The following PSTPIP1 variants were observed in gnomAD, a reference collection of about 807,000 sequenced individuals.
The protein encoded by PSTPIP1 is proline-serine-threonine phosphatase interacting protein 1.
PSTPIP1 carries 66 observed loss-of-function variants against 69.6 expected under a neutral mutation model. The ratio of observed to expected loss-of-function variants is 0.95; its 90% CI spans 0.78 to 1.16. PSTPIP1 has a LOEUF of 1.16. Among genes scored for constraint, PSTPIP1 ranks in the 50% most tolerant of loss-of-function variants. PSTPIP1 has a pLI of 0.00. For missense variants in PSTPIP1, 603 were observed against 557.4 expected, an observed-to-expected ratio of 1.08 and a Z score of -0.82; for synonymous variants, 266 against 222.7, an observed-to-expected ratio of 1.19 and a Z score of -1.73.
At chr15:77,009,219 G>A (rs1353976718) in intron 1 of PSTPIP1, among the ~76,000 whole-genome samples, 3 of 152,102 alleles carry the variant, frequency 2.0e-5, no homozygotes, top group South Asian at 2.1e-4. Flanking sequence ...GCTCAGCTCC[G>A]AGGCCCTGAA....
chr15:76,995,678 G>A, intron 1 of PSTPIP1, 69 bp downstream of exon 1: 8 of 1,609,574 alleles, frequency 5.0e-6, no homozygotes, highest in Non-Finnish European at 6.8e-6. Context: ...CTCCATGCAG[G>A]TGATGGGATG....
intron 1 of PSTPIP1, among the ~76,000 whole-genome samples, chr15:77,006,623 T>C (rs1442253066): frequency 6.6e-6 from 1 of 152,258 alleles, no homozygotes; most frequent in Non-Finnish European, 1.5e-5. Context: ...AATTTTTGCA[T>C]ATGGTATAAA....
intron 3 of PSTPIP1, among the ~76,000 whole-genome samples, chr15:77,020,702 A>C (rs1264216721): frequency 6.6e-6 from 1 of 152,066 alleles, no homozygotes; most frequent in Non-Finnish European, 1.5e-5. Flanking sequence ...ATTAGGGCCC[A>C]TTTATGCGCC....
Position 77,037,285 on chromosome 15 carries a change from G to A in PSTPIP1, c.*109G>A, listed in dbSNP as rs533264055. ...AGAACCAAGCGTCCCCCAGCCCCGA[G>A]AGGGAGCCTGTCGTCTCCCAGGGAA... On this transcript the variant is annotated 3_prime_UTR_variant, in exon 15 of 15. Transcript: ENST00000558012. 1.1e-5 allele frequency: 16 copies of A among 1,404,048 alleles called. No individual in the cohort carries two copies. Among genetic ancestry groups the A allele is most frequent in the East Asian group, 2.5e-5 (1 of 39,248 alleles). The allele number at this position is 1,404,048 out of a possible 1,614,324, so 87.0% of individuals were successfully genotyped here.
intron 13 of PSTPIP1, 65 bp from the exon 14 acceptor site, chr15:77,035,737 T>C: frequency 6.5e-7 from 1 of 1,531,086 alleles, no homozygotes; most frequent in Non-Finnish European, 8.7e-7. Flanking sequence ...AACCCCATTC[T>C]AGTAGGACTT....
At position 76,995,200 on chromosome 15, in the gene PSTPIP1, T is replaced by C. The variant is rs995147174; in HGVS notation, c.-374T>C. The C allele has an allele frequency of 6.7e-5, 81 of 1,204,812 alleles. No individual in the cohort carries two copies. The East Asian group carries it at 1.8e-3, about 26-fold the overall frequency. 74.6% of individuals were successfully genotyped at this position (1,204,812 alleles called of 1,614,324 possible). On this transcript the variant is annotated 5_prime_UTR_variant, in exon 1 of 15. Coordinates refer to ENST00000558012, the MANE Select transcript of PSTPIP1 (RefSeq NM_003978.5). ...CCGGCCCGAGCTCCAGCCTGCCTCT[T>C]CCACTGGCCACTGCCTCCCACCCAG...
chr15:77,018,061 C>T, intron 1 of PSTPIP1, 87 bp from the exon 2 acceptor site: 1 of 1,353,174 alleles, frequency 7.4e-7, no homozygotes, highest in Non-Finnish European at 1.0e-6. Context: ...GGAGGCTGTT[C>T]CCAGAGATGG....
chr15:77,028,511 C>A, intron 6 of PSTPIP1, 43 bp from the exon 7 acceptor site: 3 of 1,500,240 alleles, frequency 2.0e-6, no homozygotes, highest in South Asian at 1.2e-5. Context: ...GACCACAGAA[C>A]AGGGCTGTGC....
rs764497481 is a variant in PSTPIP1, at chr15:77,028,547, C to G, written c.418-7C>G. On this transcript the variant is annotated splice_region_variant and splice_polypyrimidine_tract_variant and intron_variant, in intron 6 of 14. Coordinates refer to ENST00000558012, the MANE Select transcript of PSTPIP1 (RefSeq NM_003978.5). ...AGCCCCCAAGTCACGCCCCTCCACA[C>G]CCCCAGTCCAAGAAGACATACGAGC... 1.3e-6 allele frequency: 2 copies of G among 1,595,268 alleles called. No homozygotes were observed. The highest frequency in any genetic ancestry group is 1.7e-6 in the Non-Finnish European group (2 of 1,171,790).
chr15:77,025,732 TC>T, intron 5 of PSTPIP1, 128 bp downstream of exon 5: 1 of 784,762 alleles, frequency 1.3e-6, no homozygotes, highest in Non-Finnish European at 2.0e-6. Context: ...GGGACAGCAC[TC>T]CAGGCTTTGG....
Position 77,032,609 on chromosome 15 carries a change from G to A in PSTPIP1, c.838+215G>A, listed in dbSNP as rs1311796328. On this transcript the variant is annotated intron_variant, in intron 11 of 14. Coordinates refer to ENST00000558012, the MANE Select transcript of PSTPIP1 (RefSeq NM_003978.5). ...CATGATGGCACTCAGAGGAAGAGGT[G>A]GGGATGGGGATTGAGGTGAGGAGCT... 1.6e-5 allele frequency: 10 copies of A among 627,838 alleles called. No individual in the cohort carries two copies. The Admixed American group carries it at 1.7e-4, about 11-fold the overall frequency. The allele number at this position is 627,838 out of a possible 1,614,324, so 38.9% of individuals were successfully genotyped here. A position where few individuals can be genotyped will look rare whatever the true frequency, so the allele number is the denominator to read the frequency against.
chr15:77,037,309 A>G lies in PSTPIP1; in HGVS notation c.*133A>G. 1 of 1,221,488 alleles carries G rather than the reference A, an allele frequency of 8.2e-7. No homozygotes were observed. Among genetic ancestry groups the G allele is most frequent in the East Asian group, 2.6e-5 (1 of 37,850 alleles). 75.7% of individuals were successfully genotyped at this position (1,221,488 alleles called of 1,614,324 possible). On this transcript the variant is annotated 3_prime_UTR_variant, in exon 15 of 15. Transcript: ENST00000558012. ...AGAGGGAGCCTGTCGTCTCCCAGGG[A>G]ATAAAGGAGTGCGTTCTGTTCTCCT...
At position 77,018,304 on chromosome 15, in the gene PSTPIP1, C is replaced by A. The variant is rs1026295129; in HGVS notation, c.137+56C>A. ...AGGCAGGAAGCAGGTGGCTTCCGCT[C>A]GGCTCCTGGGACAGTGGACGAGGCC... On this transcript the variant is annotated intron_variant, in intron 2 of 14. Transcript: ENST00000558012. 5.8e-6 allele frequency: 9 copies of A among 1,542,998 alleles called. No homozygotes were observed. The Admixed American group carries it at 1.4e-4, about 24-fold the overall frequency.
chr15:77,003,867 C>T (rs1391169027), intron 1 of PSTPIP1, among the ~76,000 whole-genome samples: 1 of 152,126 alleles, frequency 6.6e-6, no homozygotes, highest in African/African-American at 2.4e-5. Flanking sequence ...CTGCTCACCA[C>T]AGTGGAGTAG....
intron 1 of PSTPIP1, among the ~76,000 whole-genome samples, chr15:77,008,630 G>A (rs1005797095): frequency 2.6e-5 from 4 of 152,092 alleles, no homozygotes; most frequent in African/African-American, 7.2e-5. Flanking sequence ...GGCTTGTCTC[G>A]CACTCCTGAC....
At chr15:77,032,257 A>AG (rs1268956418) in intron 10 of PSTPIP1, 41 bp from the exon 11 acceptor site, 5 of 1,587,096 alleles carry the variant, frequency 3.2e-6, no homozygotes, top group Non-Finnish European at 4.3e-6. Context: ...AGAGGGGCAG[A>AG]GTGGGCATCG....
intron 12 of PSTPIP1, 60 bp downstream of exon 12, chr15:77,033,012 C>T: frequency 6.7e-7 from 1 of 1,486,246 alleles, no homozygotes; most frequent in Admixed American, 2.0e-5. Flanking sequence ...GGTCGAGCCC[C>T]TCCTCTGCAC....
chr15:77,022,287 T>C (rs2076177535), intron 3 of PSTPIP1, among the ~76,000 whole-genome samples: 1 of 152,198 alleles, frequency 6.6e-6, no homozygotes, highest in African/African-American at 2.4e-5. Flanking sequence ...CCGAGAGGGC[T>C]ACTCCTGTCA....
At chr15:77,012,214 C>T (rs1197145419) in intron 1 of PSTPIP1, among the ~76,000 whole-genome samples, 1 of 145,974 alleles carries the variant, frequency 6.9e-6, no homozygotes, top group African/African-American at 2.5e-5. Context: ...TCCATCCGTC[C>T]ACCCATCTGT....
Sources: allele counts gnomAD v4.1 joint callset (sites outside exome capture counted in the v4.1 genomes callset), GRCh38; gene constraint gnomAD v4.1.1; transcripts MANE v1.5; gene names NCBI Gene and HGNC (gene_info 2026-07-23, HGNC 2026-07-21).